The following SCML1 variants were observed in gnomAD, a reference collection of about 807,000 sequenced individuals.
The protein encoded by SCML1 is Scm polycomb group protein like 1.
For synonymous variants in SCML1, 104 were observed against 103.6 expected, an observed-to-expected ratio of 1.00 and a Z score of -0.02; for missense variants, 137 against 258.1, an observed-to-expected ratio of 0.53 and a Z score of 3.22.
At chrX:17,738,326 T>C (rs931880686) in intron 1 of SCML1, among the ~76,000 whole-genome samples, 3 of 112,112 alleles carry the variant, frequency 2.7e-5, no homozygotes, top group South Asian at 3.7e-4. Context: ...CCTGATTTGG[T>C]TGGTGGCGGA....
intron 2 of SCML1, chrX:17,744,667 G>T: frequency 8.7e-6 from 1 of 114,464 alleles, no homozygotes; most frequent in Non-Finnish European, 1.8e-5. Flanking sequence ...AGTAGTCTAG[G>T]CAATTCTCTT....
intron 4 of SCML1, 29 bp from the exon 5 acceptor site, chrX:17,749,371 A>G (rs753610960): frequency 2.5e-6 from 2 of 798,102 alleles, no homozygotes; most frequent in East Asian, 6.6e-5. Flanking sequence ...ATTGTATACC[A>G]ATTATATGAC....
chrX:17,737,195 C>A (rs994532528), upstream of SCML1, among the ~76,000 whole-genome samples: 2 of 109,522 alleles, frequency 1.8e-5, no homozygotes, highest in African/African-American at 6.7e-5. Flanking sequence ...CGAAGGAAAA[C>A]CTGAGGTAAG....
In SCML1 at chrX:17,753,344, A is replaced by G. The variant is rs1370869191; in HGVS notation, c.942A>G (p.Leu314=). Residue 314 remains leucine (L), a synonymous_variant, in exon 8 of 8, where the codon CTA becomes CTG. Transcript: ENST00000380041. ...TGAAGCTGGGAACGGCTGTGAAGCT[A>G]TGCTACTACATTGACCGACTTAAAC... ...LGVKLGTAVK[L]CYYIDRLKQG... The G allele has an allele frequency of 2.6e-6, 3 of 1,161,782 alleles. No homozygotes were observed. The highest frequency in any genetic ancestry group is 1.8e-5 in the African/African-American group (1 of 56,655).
chrX:17,739,009 C>G (rs1411839870), intron 1 of SCML1, among the ~76,000 whole-genome samples: 1 of 111,824 alleles, frequency 8.9e-6, no homozygotes, highest in Non-Finnish European at 1.9e-5. Flanking sequence ...GTGGTAAATA[C>G]AAGTGAGTTT....
chrX:17,739,167 G>A (rs1251404764), intron 1 of SCML1, among the ~76,000 whole-genome samples: 1 of 111,399 alleles, frequency 9.0e-6, no homozygotes, highest in Non-Finnish European at 1.9e-5. Flanking sequence ...TAAGGTATAT[G>A]GTGTAATTAA....
At chrX:17,741,063 A>G (rs1349997888) in intron 1 of SCML1, among the ~76,000 whole-genome samples, 1 of 112,080 alleles carries the variant, frequency 8.9e-6, no homozygotes, top group African/African-American at 3.3e-5. Flanking sequence ...AACAGGCTAC[A>G]CAGTAAATAT....
At chrX:17,746,880 G>A (rs771360943) in intron 4 of SCML1, among the ~76,000 whole-genome samples, 6 of 111,832 alleles carry the variant, frequency 5.4e-5, no homozygotes, top group Non-Finnish European at 1.1e-4. Flanking sequence ...GTGGGGGGAG[G>A]TGTCCAGGGC....
Position 17,745,479 on chromosome X carries a change from C to T in SCML1, c.57C>T (p.Tyr19=), listed in dbSNP as rs906439016. Residue 19 remains tyrosine, a synonymous_variant, in exon 3 of 8, where the codon TAC becomes TAT. Transcript: ENST00000380041. The part of the protein sequence containing the change: ...IDVIKTRIPT[Y]DEDDNTILYA... ...AGATAAAAACAAGAATACCTACTTA[C>T]GATGAAGATGACAACACTATTCTTT... 4 of 1,172,029 alleles carry T rather than the reference C, an allele frequency of 3.4e-6. No individual in the cohort carries two copies. The highest frequency in any genetic ancestry group is 1.9e-5 in the South Asian group (1 of 53,728).
chrX:17,746,021 C>T lies in SCML1; in HGVS notation c.121C>T (p.Pro41Ser), dbSNP rs1487156667. The change falls in exon 4 of 8, where the codon CCG becomes TCG. Residue 41 changes from proline (P) to serine (S), a missense_variant. Coordinates refer to ENST00000380041, the MANE Select transcript of SCML1 (RefSeq NM_001037540.3). The part of the protein sequence containing the change: ...ETKPEFVNKE[P>S]NIVSDASCNT... Reference sequence around the variant, plus strand: ...ACTACTTTTAAAATATTAGCAGGAACCGAATATTGTATCTGACGCATCCTG... The same window carrying T: ...ACTACTTTTAAAATATTAGCAGGAATCGAATATTGTATCTGACGCATCCTG... 4 of 1,159,472 alleles carry T rather than the reference C, an allele frequency of 3.4e-6. No individual in the cohort carries two copies. Among genetic ancestry groups the T allele is most frequent in the Non-Finnish European group, 4.7e-6 (4 of 858,982 alleles).
At chrX:17,747,318 C>G (rs994717329) in intron 4 of SCML1, among the ~76,000 whole-genome samples, 1 of 111,293 alleles carries the variant, frequency 9.0e-6, no homozygotes, top group Non-Finnish European at 1.9e-5. Flanking sequence ...CCCCCTCTCT[C>G]TCCTCTGGCT....
intron 5 of SCML1, 38 bp from the exon 6 acceptor site, chrX:17,749,856 A>G (rs2066688869): frequency 8.8e-7 from 1 of 1,134,347 alleles, no homozygotes. Flanking sequence ...TTACTTTTTT[A>G]CTCACTGTTG....
chrX:17,741,743 G>A (rs1464562903), intron 1 of SCML1, among the ~76,000 whole-genome samples: 1 of 111,173 alleles, frequency 9.0e-6, no homozygotes, highest in Non-Finnish European at 1.9e-5. Flanking sequence ...AAGTGGAAAA[G>A]AGGGATGAGG....
chrX:17,742,728 C>G (rs1395149797), intron 1 of SCML1, among the ~76,000 whole-genome samples: 1 of 112,232 alleles, frequency 8.9e-6, no homozygotes, highest in Non-Finnish European at 1.9e-5. Context: ...AAGAGCAAAA[C>G]TTTAGAAGTA....
At chrX:17,737,149 A>G (rs1273460550), upstream of SCML1, among the ~76,000 whole-genome samples, 1 of 111,047 alleles carries the variant, frequency 9.0e-6, no homozygotes, top group Non-Finnish European at 1.9e-5. Context: ...GAGTCTCTGA[A>G]AGGCCTAACG....
At chrX:17,740,129 T>A (rs1335825276) in intron 1 of SCML1, among the ~76,000 whole-genome samples, 1 of 111,635 alleles carries the variant, frequency 9.0e-6, no homozygotes, top group Non-Finnish European at 1.9e-5. Flanking sequence ...CCCTGTGAAG[T>A]AGATATTATT....
rs1255536294 is a variant in SCML1, at chrX:17,753,530, T to C, written c.*138T>C. 2.4e-6 allele frequency: 1 copy of C among 412,036 alleles called. No homozygotes were observed. Among genetic ancestry groups the C allele is most frequent in the Non-Finnish European group, 3.9e-6 (1 of 259,220 alleles). 34.0% of individuals were successfully genotyped at this position (412,036 alleles called of 1,213,427 possible). Reference sequence around the variant, plus strand: ...TCAAAATATATTATAGCTAGAATTGTAGAACTATGTTATAGTCCAGTCTAC... The same window carrying C: ...TCAAAATATATTATAGCTAGAATTGCAGAACTATGTTATAGTCCAGTCTAC... On this transcript the variant is annotated 3_prime_UTR_variant, in exon 8 of 8. Transcript: ENST00000380041.
intron 1 of SCML1, among the ~76,000 whole-genome samples, chrX:17,741,949 A>C (rs1316775196): frequency 8.9e-6 from 1 of 112,347 alleles, no homozygotes; most frequent in Non-Finnish European, 1.9e-5. Context: ...AGAAAGTACA[A>C]ATTAAATTAG....
At chrX:17,737,842 G>T (rs2066552553) in intron 1 of SCML1, 162 bp downstream of exon 1, 1 of 111,694 alleles carries the variant, frequency 9.0e-6, no homozygotes, top group Non-Finnish European at 1.9e-5. Flanking sequence ...GTGGAGGGGG[G>T]TGCTTTGGGT....
Sources: gnomAD v4.1 joint callset for allele counts (sites outside exome capture counted in the v4.1 genomes callset) on GRCh38, gnomAD v4.1.1 for gene constraint, MANE v1.5 for transcripts, NCBI Gene and HGNC (gene_info 2026-07-23, HGNC 2026-07-21) for gene names.